The following ABAT variants were observed in gnomAD, a reference collection of about 807,000 sequenced individuals.
The protein encoded by ABAT is 4-aminobutyrate aminotransferase, mitochondrial.
ABAT carries 45 observed loss-of-function variants against 64.6 expected under a neutral mutation model. That is an observed-to-expected ratio of 0.70 (90% CI 0.55 to 0.89). The LOEUF (loss-of-function observed/expected upper bound fraction) is 0.89. Among genes scored for constraint, ABAT ranks in the 40% least tolerant of loss-of-function variants. The pLI, the probability that ABAT is intolerant of heterozygous loss-of-function variation, is 0.00. For synonymous variants in ABAT, 297 were observed against 250.5 expected (o/e 1.19, Z -1.75); for missense variants, 633 against 658.4 (o/e 0.96, Z 0.42).
intron 1 of ABAT, among the ~76,000 whole-genome samples, chr16:8,717,172 C>T (rs148405259): frequency 0.027 from 4,117 of 152,176 alleles, 87 homozygotes; most frequent in Non-Finnish European, 0.044. Context: ...CACCTGTCAT[C>T]CCAGCTACTC....
Position 8,768,502 on chromosome 16 carries a change from C to G in ABAT, c.667+246C>G, listed in dbSNP as rs181320059. Among the ~76,000 whole-genome samples, 346 of 152,294 alleles carry G rather than the reference C, an allele frequency of 2.3e-3. 1 individual carries two copies. Among genetic ancestry groups the G allele is most frequent in the Non-Finnish European group, 3.9e-3 (264 of 68,030 alleles). ...GAACTCTTGACTCTGTCTTCAAAGC[C>G]TGCGCTGCATCTGTGATTAATCGCA... is the stretch of plus-strand genomic sequence containing the variant. On this transcript the variant is annotated intron_variant, in intron 10 of 15. Coordinates refer to ENST00000268251, the MANE Select transcript of ABAT (RefSeq NM_020686.6).
rs1250243155 is a variant in ABAT at position 8,745,985 on chromosome 16, T to C, written c.71-16T>C. The C allele has an allele frequency of 1.2e-6, 2 of 1,612,232 alleles. No individual in the cohort carries two copies. Among genetic ancestry groups the C allele is most frequent in the South Asian group, 1.1e-5 (1 of 91,022 alleles). ...TGCTGTCACCAGGGATTTCTCATTG[T>C]CTTTGTTTACTGCAGGATCCAGACA... On this transcript the variant is annotated splice_polypyrimidine_tract_variant and intron_variant, in intron 2 of 15. Transcript: ENST00000268251.
chr16:8,707,889 AACCC>A (rs1247243299), intron 1 of ABAT, among the ~76,000 whole-genome samples: 6 of 152,158 alleles, frequency 3.9e-5, no homozygotes, highest in African/African-American at 1.2e-4. Flanking sequence ...GGATATTGGC[AACCC>A]CAGGTTATCA....
intron 1 of ABAT, among the ~76,000 whole-genome samples, chr16:8,725,093 T>G (rs1380950095): frequency 2.6e-5 from 4 of 152,118 alleles, no homozygotes; most frequent in Non-Finnish European, 5.9e-5. Context: ...ATTTTGTATT[T>G]TTAGTAAAGA....
At chr16:8,675,225 A>C (rs1019695847) in intron 1 of ABAT, among the ~76,000 whole-genome samples, 1 of 151,730 alleles carries the variant, frequency 6.6e-6, no homozygotes, top group African/African-American at 2.4e-5. Context: ...TCACCCTCCC[A>C]CCCCAGATAC....
intron 5 of ABAT, 111 bp downstream of exon 5, chr16:8,750,650 C>G: frequency 1.1e-6 from 1 of 932,272 alleles, no homozygotes; most frequent in Non-Finnish European, 1.8e-6. Flanking sequence ...CAGAGTGTTG[C>G]CTGACACTTC....
Position 8,722,905 on chromosome 16 carries a change from G to A in ABAT, c.-41-12794G>A, listed in dbSNP as rs141563178. 3.5e-4 allele frequency: 446 copies of A among 1,271,786 alleles called. 3 individuals are homozygous for A. The African/African-American group carries it at 5.9e-3, about 17-fold the overall frequency. The allele number at this position is 1,271,786 out of a possible 1,614,324, so 78.8% of individuals were successfully genotyped here. On this transcript the variant is annotated intron_variant, in intron 1 of 15. Coordinates refer to ENST00000268251, the MANE Select transcript of ABAT (RefSeq NM_020686.6). ...CTCAGTAATATGGAACTCTTAGCAC[G>A]CTTGTCAGGTGTTTCTTAGAGTCCG...
At chr16:8,706,543 A>G (rs981532369) in intron 1 of ABAT, among the ~76,000 whole-genome samples, 5 of 151,962 alleles carry the variant, frequency 3.3e-5, no homozygotes, top group Non-Finnish European at 7.4e-5. Context: ...GTGAAACCCC[A>G]TCTCTACTAA....
chr16:8,755,078 G>A (rs1028188779), intron 5 of ABAT, among the ~76,000 whole-genome samples: 2 of 151,998 alleles, frequency 1.3e-5, no homozygotes, highest in Admixed American at 6.6e-5. Context: ...TTTTCAGCAC[G>A]TTCTTTCTTT....
At chr16:8,757,169 T>TTTAA in intron 5 of ABAT, 1 of 452,250 alleles carries the variant, frequency 2.2e-6, no homozygotes, top group Non-Finnish European at 4.4e-6. Flanking sequence ...TTATCTCCCT[T>TTTAA]TTTATTTATT....
Position 8,766,384 on chromosome 16 carries a change from G to A in ABAT, c.603+114G>A, listed in dbSNP as rs2059944991. ...ATTAGGAAGGGCCAGGCCAGGCGCG[G>A]TGGCTCATGCCTGTAATCCCAGCAC... On this transcript the variant is annotated intron_variant, in intron 9 of 15. Transcript: ENST00000268251. 4.9e-6 allele frequency: 5 copies of A among 1,017,976 alleles called. No individual in the cohort carries two copies. The South Asian group carries it at 5.4e-5, about 11-fold the overall frequency. 63.1% of individuals were successfully genotyped at this position (1,017,976 alleles called of 1,614,324 possible).
intron 9 of ABAT, among the ~76,000 whole-genome samples, chr16:8,767,727 G>A (rs1028602110): frequency 2.0e-5 from 3 of 152,164 alleles, no homozygotes; most frequent in African/African-American, 7.2e-5. Context: ...CCAGGCTGGG[G>A]TGCAGTGGCG....
chr16:8,767,333 T>G (rs1174529165), intron 9 of ABAT, among the ~76,000 whole-genome samples: 2 of 152,176 alleles, frequency 1.3e-5, no homozygotes, highest in Non-Finnish European at 2.9e-5. Flanking sequence ...ACCCGCTTTC[T>G]AGCACCACAG....
chr16:8,708,560 C>T (rs1039205565), intron 1 of ABAT, among the ~76,000 whole-genome samples: 1 of 152,190 alleles, frequency 6.6e-6, no homozygotes. Context: ...CTCTGCCTCC[C>T]AAGGTGCTGG....
Position 8,764,231 on chromosome 16 carries a change from G to A in ABAT, c.447+82G>A. The stretch of plus-strand genomic sequence containing the variant: ...GAAAAGTGGAGACGCCAACAATGAA[G>A]AATAAGGTGTTGCTACAGAAATCTT... On this transcript the variant is annotated intron_variant, in intron 7 of 15. Transcript: ENST00000268251. The surrounding 1 kb of genome is among the most constrained non-coding windows in gnomAD (Gnocchi z 4.2). 8.8e-7 allele frequency: 1 copy of A among 1,136,832 alleles called. No individual in the cohort carries two copies. The highest frequency in any genetic ancestry group is 1.3e-6 in the Non-Finnish European group (1 of 753,134). The allele number at this position is 1,136,832 out of a possible 1,614,324, so 70.4% of individuals were successfully genotyped here.
chr16:8,732,636 CG>C (rs2058765886), intron 1 of ABAT, among the ~76,000 whole-genome samples: 1 of 151,548 alleles, frequency 6.6e-6, no homozygotes, highest in African/African-American at 2.4e-5. Context: ...TACACAGACA[CG>C]GCAACCATCC....
intron 2 of ABAT, among the ~76,000 whole-genome samples, chr16:8,738,007 AGAAAGAAAG>A (rs1422991389): frequency 1.0e-4 from 13 of 124,726 alleles, no homozygotes; most frequent in African/African-American, 3.9e-4. Context: ...AAAGAAAGAA[AGAAAGAAAG>A]GAAAGAAAGA....
chr16:8,681,932 C>G (rs969644476), intron 1 of ABAT, among the ~76,000 whole-genome samples: 6 of 152,104 alleles, frequency 3.9e-5, no homozygotes, highest in African/African-American at 1.4e-4. Flanking sequence ...TGAGCCACCT[C>G]TCCTGGCCCA....
At chr16:8,686,718 AC>A (rs1397896259) in intron 1 of ABAT, among the ~76,000 whole-genome samples, 1 of 152,186 alleles carries the variant, frequency 6.6e-6, no homozygotes, top group East Asian at 1.9e-4. Flanking sequence ...GGACTGACCC[AC>A]ATGGACGCCT....
Sources: allele counts gnomAD v4.1 joint callset (sites outside exome capture counted in the v4.1 genomes callset), GRCh38; gene constraint gnomAD v4.1.1; non-coding constraint Gnocchi (gnomAD v3.1); transcripts MANE v1.5; gene names NCBI Gene and HGNC (gene_info 2026-07-23, HGNC 2026-07-21).